The following ZNF470 variants were observed in gnomAD, a reference collection of about 807,000 sequenced individuals.
ZNF470 encodes chondrogenesis zinc finger protein 1.
ZNF470 carries 13 observed loss-of-function variants against 13.9 expected under a neutral mutation model. The observed-to-expected ratio is 0.94, with a 90% CI of 0.61 to 1.49. The LOEUF (loss-of-function observed/expected upper bound fraction) is 1.49. Ranked by LOEUF, ZNF470 falls within the 40% of genes most tolerant of loss-of-function variation. ZNF470 has a pLI of 0.00. For synonymous variants in ZNF470, 293 were observed against 282.9 expected (o/e 1.04, Z -0.36); for missense variants, 929 against 857.3 (o/e 1.08, Z -1.04).
intron 3 of ZNF470, among the ~76,000 whole-genome samples, chr19:56,572,618 G>A (rs982793771): frequency 4.7e-5 from 7 of 150,090 alleles, no homozygotes; most frequent in South Asian, 4.2e-4. Context: ...ACCATGGTGC[G>A]TTTACCTTCA....
chr19:56,582,242 G>A lies in ZNF470; in HGVS notation c.*3659G>A, dbSNP rs536733462. The A allele has an allele frequency of 2.7e-5, 27 of 985,346 alleles. No homozygotes were observed. In the South Asian group the frequency reaches 1.2e-3, roughly 43 times the overall value. 61.0% of individuals were successfully genotyped at this position (985,346 alleles called of 1,614,324 possible). ...GGGTTCTGGATAATGATAATTTAAG[G>A]AGGATGGAGAATGCTGAATCCAAAA... On this transcript the variant is annotated 3_prime_UTR_variant, in exon 6 of 6. Transcript: ENST00000330619.
At chr19:56,570,069 G>A in intron 2 of ZNF470, 1 of 480,236 alleles carries the variant, frequency 2.1e-6, no homozygotes, top group Non-Finnish European at 3.8e-6. Context: ...GGGAGAGGGG[G>A]TCAAGAGATA....
In ZNF470 at chr19:56,578,308, G is replaced by A. The variant is rs201904487; in HGVS notation, c.1879G>A (p.Gly627Arg). 32 of 1,612,942 alleles carry A rather than the reference G, an allele frequency of 2.0e-5. No individual in the cohort carries two copies. The highest frequency in any genetic ancestry group is 2.6e-5 in the Non-Finnish European group (31 of 1,179,514). The change falls in exon 6 of 6, where the codon GGG (glycine) becomes AGG (arginine). Residue 627 changes from glycine to arginine, a missense_variant. Physicochemically the swap from Gly to Arg is moderately radical, Grantham distance 125. Transcript: ENST00000330619. ...GAAACCTTATGAATGTAATGTTTGT[G>A]GGAAAGCCTTTAGCCATCGTAAATC... is the stretch of plus-strand genomic sequence containing the variant. ...GEKPYECNVCGKAFSHRKSLT... is the reference protein window; with the variant it reads ...GEKPYECNVCRKAFSHRKSLT...
In ZNF470 at chr19:56,581,110, T is replaced by C; in HGVS notation, c.*2527T>C. 2.1e-6 allele frequency: 2 copies of C among 955,852 alleles called. No individual in the cohort carries two copies. The highest frequency in any genetic ancestry group is 1.2e-4 in the East Asian group (1 of 8,622). 59.2% of individuals were successfully genotyped at this position (955,852 alleles called of 1,614,324 possible). ...AGATAAATGAGAGACTGACACAAAG[T>C]GTTTGCAACAGATATAATAAAGGAC... On this transcript the variant is annotated 3_prime_UTR_variant, in exon 6 of 6. Transcript: ENST00000330619.
rs2044503474 is a variant in ZNF470 at position 56,577,876 on chromosome 19, T to C, written c.1447T>C (p.Cys483Arg). The change falls in exon 6 of 6, where the codon TGT becomes CGT. Residue 483 changes from cysteine to arginine, a missense_variant. Physicochemically the swap from Cys to Arg is radical, Grantham distance 180. Coordinates refer to ENST00000330619, the MANE Select transcript of ZNF470 (RefSeq NM_001001668.4). ...RVHTGEKPYE[C>R]KECGKAFRQS... ...TCATACTGGAGAGAAACCCTATGAA[T>C]GTAAAGAATGTGGGAAAGCTTTCCG... 1.2e-6 allele frequency: 2 copies of C among 1,613,792 alleles called. No homozygotes were observed. The highest frequency in any genetic ancestry group is 8.5e-7 in the Non-Finnish European group (1 of 1,179,920).
intron 3 of ZNF470, 105 bp from the exon 4 acceptor site, chr19:56,574,289 A>C (rs773428404): frequency 6.5e-7 from 1 of 1,537,880 alleles, no homozygotes; most frequent in Non-Finnish European, 9.0e-7. Flanking sequence ...AGTTACTTAT[A>C]CATAGTGTTT....
chr19:56,581,209 C>A lies in ZNF470; in HGVS notation c.*2626C>A. 1.6e-6 allele frequency: 1 copy of A among 608,650 alleles called. No homozygotes were observed. The highest frequency in any genetic ancestry group is 2.1e-6 in the Non-Finnish European group (1 of 486,248). The allele number at this position is 608,650 out of a possible 1,614,324, so 37.7% of individuals were successfully genotyped here. On this transcript the variant is annotated 3_prime_UTR_variant, in exon 6 of 6. Transcript: ENST00000330619. Reference sequence around the variant, plus strand: ...AACTTAGAAAAATGGACTAATGTCCCATTCACAAAAGATGCAATAAAAGCA... The same window carrying A: ...AACTTAGAAAAATGGACTAATGTCCAATTCACAAAAGATGCAATAAAAGCA...
chr19:56,582,443 A>G lies in ZNF470; in HGVS notation c.*3860A>G, dbSNP rs1017283883. 39 of 985,396 alleles carry G rather than the reference A, an allele frequency of 4.0e-5. 1 individual carries two copies. The Admixed American group carries it at 1.1e-3, about 28-fold the overall frequency. The allele number at this position is 985,396 out of a possible 1,614,324, so 61.0% of individuals were successfully genotyped here. ...TGGCTCATAACCAAATTTAGAGACT[A>G]TTTTTATGCATTGTTAAAGTGGAAT... is the stretch of plus-strand genomic sequence containing the variant. On this transcript the variant is annotated 3_prime_UTR_variant, in exon 6 of 6. Coordinates refer to ENST00000330619, the MANE Select transcript of ZNF470 (RefSeq NM_001001668.4).
chr19:56,573,775 C>T (rs934197283), intron 3 of ZNF470: 40 of 178,364 alleles, frequency 2.2e-4, no homozygotes, highest in Non-Finnish European at 6.5e-5. Context: ...GACCCTGTCT[C>T]TACAAAATGA....
At chr19:56,573,385 C>T (rs966503027) in intron 3 of ZNF470, among the ~76,000 whole-genome samples, 1 of 152,208 alleles carries the variant, frequency 6.6e-6, no homozygotes, top group Non-Finnish European at 1.5e-5. Flanking sequence ...TTAAATTTGG[C>T]CAACCTCACC....
rs1345951582 is a variant in ZNF470 at position 56,570,302 on chromosome 19, T to C, written c.-10T>C. 6.2e-7 allele frequency: 1 copy of C among 1,613,832 alleles called. No individual in the cohort carries two copies. Among genetic ancestry groups the C allele is most frequent in the Non-Finnish European group, 8.5e-7 (1 of 1,179,890 alleles). ...CAGCTCTACAATCCCAGAGTAAAGC[T>C]CTTCTCCAAATGAAGAGCCAGGAAG... On this transcript the variant is annotated 5_prime_UTR_variant, in exon 3 of 6. Transcript: ENST00000330619.
Position 56,578,086 on chromosome 19 carries a change from G to T in ZNF470, c.1657G>T (p.Val553Phe), listed in dbSNP as rs778438400. 5 of 1,613,750 alleles carry T rather than the reference G, an allele frequency of 3.1e-6. No homozygotes were observed. The highest frequency in any genetic ancestry group is 4.2e-6 in the Non-Finnish European group (5 of 1,179,954). Residue 553 changes from valine to phenylalanine, a missense_variant, in exon 6 of 6, where the codon GTT becomes TTT. Physicochemically the swap from Val to Phe is conservative, Grantham distance 50. Coordinates refer to ENST00000330619, the MANE Select transcript of ZNF470 (RefSeq NM_001001668.4). ...GKAFSQIAHL[V>F]QHQRVHTGEK... is the part of the protein sequence containing the mutation. ...GGCCTTCAGTCAGATTGCACACCTT[G>T]TTCAGCACCAGAGAGTTCATACTGG...
In ZNF470 at chr19:56,578,011, C is replaced by G. The variant is rs1285645084; in HGVS notation, c.1582C>G (p.Gln528Glu). The change falls in exon 6 of 6, where the codon CAG (glutamine) becomes GAG (glutamate). Residue 528 changes from glutamine to glutamate, a missense_variant. Transcript: ENST00000330619. Reference sequence around the variant, plus strand: ...CCAGAATGCACACCTCGCGCAACATCAGAAAATACACACTGGGGAGAAACC... The same window carrying G: ...CCAGAATGCACACCTCGCGCAACATGAGAAAATACACACTGGGGAGAAACC... ...FSQNAHLAQH[Q>E]KIHTGEKPYE... 9.9e-6 allele frequency: 16 copies of G among 1,613,232 alleles called. No individual in the cohort carries two copies. The highest frequency in any genetic ancestry group is 1.3e-5 in the Non-Finnish European group (15 of 1,179,448).
At chr19:56,572,911 C>A (rs1420500010) in intron 3 of ZNF470, among the ~76,000 whole-genome samples, 1 of 152,092 alleles carries the variant, frequency 6.6e-6, no homozygotes, top group Admixed American at 6.5e-5. Context: ...AGAAATTATA[C>A]CAGAAGGGAA....
rs965354982 is a variant in ZNF470 at position 56,582,373 on chromosome 19, A to G, written c.*3790A>G. 1.0e-6 allele frequency: 1 copy of G among 985,244 alleles called. No homozygotes were observed. The highest frequency in any genetic ancestry group is 1.7e-5 in the African/African-American group (1 of 57,232). 61.0% of individuals were successfully genotyped at this position (985,244 alleles called of 1,614,324 possible). A position where few individuals can be genotyped will look rare whatever the true frequency, so the allele number is the denominator to read the frequency against. Reference sequence around the variant, plus strand: ...ATTCACCTAAGGGATTTTGTATGATATTGTTGAAAGATGTCTTACATTGTT... The same window carrying G: ...ATTCACCTAAGGGATTTTGTATGATGTTGTTGAAAGATGTCTTACATTGTT... On this transcript the variant is annotated 3_prime_UTR_variant, in exon 6 of 6. Coordinates refer to ENST00000330619, the MANE Select transcript of ZNF470 (RefSeq NM_001001668.4).
In ZNF470 at chr19:56,577,166, A is replaced by T; in HGVS notation, c.737A>T (p.His246Leu). Residue 246 changes from histidine to leucine, a missense_variant, in exon 6 of 6, where the codon CAC (histidine) becomes CTC (leucine). By Grantham distance (99) the His-to-Leu change is moderately conservative. Transcript: ENST00000330619. ...IFSKISTLTLHQRIHTGEKPY... is the reference protein window; with the variant it reads ...IFSKISTLTLLQRIHTGEKPY... ...AGCAAAATCTCAACCCTTACTCTTC[A>T]CCAAAGAATTCATACAGGAGAGAAA... The T allele has an allele frequency of 6.2e-7, 1 of 1,613,460 alleles. No homozygotes were observed. Among genetic ancestry groups the T allele is most frequent in the Non-Finnish European group, 8.5e-7 (1 of 1,179,840 alleles).
rs1383636286 is a variant in ZNF470 at position 56,577,369 on chromosome 19, T to C, written c.940T>C (p.Cys314Arg). ...TCATACTGGAGAGAAACCTTATCAG[T>C]GTAAGCAGTGTAATAAAGCATTCAG... The part of the protein sequence containing the change: ...RVHTGEKPYQ[C>R]KQCNKAFSQL... The change falls in exon 6 of 6, where the codon TGT becomes CGT. Residue 314 changes from cysteine (C) to arginine (R), a missense_variant. Cys to Arg is a radical substitution (Grantham distance 180, BLOSUM62 -3). Transcript: ENST00000330619. 1 of 1,613,752 alleles carries C rather than the reference T, an allele frequency of 6.2e-7. No individual in the cohort carries two copies. The highest frequency in any genetic ancestry group is 2.2e-5 in the East Asian group (1 of 44,848).
At chr19:56,575,489 T>C (rs1049876011) in intron 5 of ZNF470, among the ~76,000 whole-genome samples, 1 of 151,862 alleles carries the variant, frequency 6.6e-6, no homozygotes, top group Non-Finnish European at 1.5e-5. Context: ...TGCCTTGCTT[T>C]GTAGCTGTTT....
chr19:56,579,048 C>T lies in ZNF470; in HGVS notation c.*465C>T. The T allele has an allele frequency of 2.0e-6, 2 of 986,160 alleles. No homozygotes were observed. The highest frequency in any genetic ancestry group is 2.4e-6 in the Non-Finnish European group (2 of 830,472). The allele number at this position is 986,160 out of a possible 1,614,324, so 61.1% of individuals were successfully genotyped here. A position where few individuals can be genotyped will look rare whatever the true frequency, so the allele number is the denominator to read the frequency against. ...TATGGTACACAAGGTAACATGGTGG[C>T]TTATCACTCCCTCTGTGACATTGTT... On this transcript the variant is annotated 3_prime_UTR_variant, in exon 6 of 6. Transcript: ENST00000330619.
Sources: allele counts gnomAD v4.1 joint callset (sites outside exome capture counted in the v4.1 genomes callset), GRCh38; gene constraint gnomAD v4.1.1; transcripts MANE v1.5; gene names NCBI Gene and HGNC (gene_info 2026-07-23, HGNC 2026-07-21).